Variants in USP12 observed in about 807,000 individuals in gnomAD.
USP12 encodes ubiquitin specific peptidase 12, also known as ubiquitin carboxyl-terminal hydrolase 12.
A neutral mutation model predicts 45.5 loss-of-function variants in USP12; 19 were observed. The ratio of observed to expected loss-of-function variants is 0.42; its 90% confidence interval spans 0.29 to 0.61. The LOEUF (loss-of-function observed/expected upper bound fraction) is 0.61, where lower values mean the gene tolerates loss of function less well. USP12 is among the 20% of genes least tolerant of loss of function. The pLI, the probability that USP12 is intolerant of heterozygous loss-of-function variation, is 0.22. For synonymous variants in USP12, 149 were observed against 148.8 expected, an observed-to-expected ratio of 1.00 and a Z score of -0.01; for missense variants, 242 against 447.7, an observed-to-expected ratio of 0.54 and a Z score of 4.15.
intron 1 of USP12, among the ~76,000 whole-genome samples, chr13:27,158,776 A>G (rs1397246590): frequency 6.6e-6 from 1 of 152,248 alleles, no homozygotes; most frequent in Admixed American, 6.5e-5. Context: ...GAAAATGTGC[A>G]AACAGTATTA....
At position 27,155,603 on chromosome 13, in the gene USP12, T is replaced by A. The variant is rs539505539; in HGVS notation, c.48+15989A>T. ...ATTTTCAGAATCCTGTGCCTAAGAA[T>A]TTGAAGTTGCTTTTGTAAAAGCACA... is the stretch of plus-strand genomic sequence containing the variant. On this transcript the variant is annotated intron_variant, in intron 1 of 8. Coordinates refer to ENST00000282344, the MANE Select transcript of USP12 (RefSeq NM_182488.4). Among the ~76,000 whole-genome samples, 72 of 152,314 alleles carry A rather than the reference T, an allele frequency of 4.7e-4. 1 individual carries two copies. Among genetic ancestry groups the A allele is most frequent in the Non-Finnish European group, 2.1e-4 (14 of 68,026 alleles).
At chr13:27,127,629 A>G (rs1416058573) in intron 1 of USP12, among the ~76,000 whole-genome samples, 3 of 152,142 alleles carry the variant, frequency 2.0e-5, no homozygotes, top group African/African-American at 7.2e-5. Flanking sequence ...TCCCTCCTAA[A>G]AATCTTCAAC....
chr13:27,164,249 C>T (rs918226659), intron 1 of USP12, among the ~76,000 whole-genome samples: 1 of 152,180 alleles, frequency 6.6e-6, no homozygotes, highest in Non-Finnish European at 1.5e-5. Flanking sequence ...GCTTCCTCTA[C>T]CCATGAAGCA....
chr13:27,134,079 G>A (rs1333607677), intron 1 of USP12, among the ~76,000 whole-genome samples: 1 of 152,230 alleles, frequency 6.6e-6, no homozygotes, highest in Admixed American at 6.5e-5. Context: ...AGGAGTTCAA[G>A]GCTGCAGTGA....
intron 1 of USP12, among the ~76,000 whole-genome samples, chr13:27,138,563 C>A (rs1275971761): frequency 6.6e-6 from 1 of 152,142 alleles, no homozygotes; most frequent in Non-Finnish European, 1.5e-5. Flanking sequence ...TAGATAAGCA[C>A]CTCCATGAGG....
At position 27,171,591 on chromosome 13, in the gene USP12, C is replaced by T; in HGVS notation, c.48+1G>A. On this transcript the variant is annotated splice_donor_variant, in intron 1 of 8. Coordinates refer to ENST00000282344, the MANE Select transcript of USP12 (RefSeq NM_182488.4). LOFTEE classifies it high-confidence loss of function. ...CCGGCCGCCCGCTCGCCGCCACCTA[C>T]CATGGTACAGATGGAGGCGAATTTG... The T allele has an allele frequency of 7.9e-7, 1 of 1,272,002 alleles. No homozygotes were observed. The highest frequency in any genetic ancestry group is 1.0e-6 in the Non-Finnish European group (1 of 974,760). 78.8% of individuals were successfully genotyped at this position (1,272,002 alleles called of 1,614,324 possible).
intron 1 of USP12, among the ~76,000 whole-genome samples, chr13:27,134,734 G>C (rs370604949): frequency 9.3e-4 from 141 of 151,920 alleles, no homozygotes; most frequent in African/African-American, 3.3e-3. Context: ...CGTCATAATA[G>C]ATAAGCCATC....
chr13:27,157,117 T>G (rs889461543), intron 1 of USP12, among the ~76,000 whole-genome samples: 5 of 152,248 alleles, frequency 3.3e-5, no homozygotes, highest in African/African-American at 9.6e-5. Flanking sequence ...ATGTAAATAC[T>G]GACATTGGTG....
At chr13:27,111,945 G>T (rs1366537977) in intron 2 of USP12, among the ~76,000 whole-genome samples, 2 of 152,162 alleles carry the variant, frequency 1.3e-5, no homozygotes, top group Non-Finnish European at 2.9e-5. Flanking sequence ...ATACATAGGT[G>T]CAAGGGAATG....
At chr13:27,076,482 G>A (rs1427521358) in intron 6 of USP12, among the ~76,000 whole-genome samples, 2 of 152,112 alleles carry the variant, frequency 1.3e-5, no homozygotes, top group African/African-American at 2.4e-5. Context: ...TCCTCCATCA[G>A]CACCTTACAG....
chr13:27,121,782 A>G (rs571446000), intron 1 of USP12, among the ~76,000 whole-genome samples: 46 of 151,884 alleles, frequency 3.0e-4, no homozygotes, highest in African/African-American at 1.1e-3. Context: ...AATGGCGCGA[A>G]CCTGGGAGGC....
At chr13:27,161,898 TAAAA>T (rs1023280024) in intron 1 of USP12, among the ~76,000 whole-genome samples, 1 of 127,288 alleles carries the variant, frequency 7.9e-6, no homozygotes. Flanking sequence ...TAAAAAAAAA[TAAAA>T]AAAAATTAAA....
intron 1 of USP12, among the ~76,000 whole-genome samples, chr13:27,131,613 T>C (rs1023034880): frequency 1.3e-5 from 2 of 152,208 alleles, no homozygotes; most frequent in African/African-American, 4.8e-5. Context: ...TTAACCTATG[T>C]AAAAGTCTGA....
intron 1 of USP12, among the ~76,000 whole-genome samples, chr13:27,144,097 G>C (rs9581814): frequency 1.3e-5 from 2 of 151,816 alleles, no homozygotes; most frequent in Admixed American, 6.6e-5. Flanking sequence ...CCAGCCTCTC[G>C]GGAGGCTGAG....
At chr13:27,099,226 G>T (rs769528413) in intron 3 of USP12, among the ~76,000 whole-genome samples, 3 of 152,146 alleles carry the variant, frequency 2.0e-5, no homozygotes, top group Non-Finnish European at 4.4e-5. Context: ...GAAACTTCTA[G>T]GTTTGTTTGG....
At chr13:27,095,905 T>C in intron 3 of USP12, 75 bp from the exon 4 acceptor site, 1 of 1,076,198 alleles carries the variant, frequency 9.3e-7, no homozygotes, top group Non-Finnish European at 1.3e-6. Context: ...TATAAAAGAA[T>C]ATCTAGTATT....
intron 1 of USP12, among the ~76,000 whole-genome samples, chr13:27,157,544 A>G (rs539313747): frequency 1.3e-5 from 2 of 152,308 alleles, no homozygotes; most frequent in South Asian, 2.1e-4. Context: ...TAAAAAAAAT[A>G]TAAGTTTATA....
chr13:27,102,337 A>AAC (rs1182634482), intron 3 of USP12, among the ~76,000 whole-genome samples: 4 of 152,182 alleles, frequency 2.6e-5, no homozygotes, highest in Non-Finnish European at 2.9e-5. Context: ...TGGGTACTGC[A>AAC]ACAGCCTCCA....
intron 1 of USP12, among the ~76,000 whole-genome samples, chr13:27,143,173 T>C (rs932193263): frequency 1.3e-5 from 2 of 150,804 alleles, no homozygotes; most frequent in African/African-American, 4.9e-5. Context: ...AAATCGAGAA[T>C]AATTTTAACA....
Sources: allele counts gnomAD v4.1 joint callset (sites outside exome capture counted in the v4.1 genomes callset), GRCh38; gene constraint gnomAD v4.1.1; transcripts MANE v1.5; gene names NCBI Gene and HGNC (gene_info 2026-07-23, HGNC 2026-07-21).